Variants in GNPTAB observed in about 807,000 individuals in gnomAD.
GNPTAB encodes the protein N-acetylglucosamine-1-phosphate transferase subunits alpha and beta.
Under a neutral mutation model 136.6 loss-of-function variants are expected in GNPTAB, and 92 were observed. That is an observed-to-expected ratio of 0.67 (90% CI 0.57 to 0.80). The LOEUF (loss-of-function observed/expected upper bound fraction) is 0.80, where lower values mean the gene tolerates loss of function less well. Among genes scored for constraint, GNPTAB ranks in the 30% least tolerant of loss-of-function variants. The pLI, the probability that GNPTAB is intolerant of heterozygous loss-of-function variation, is 0.00. For missense variants in GNPTAB, 1,343 were observed against 1,501.8 expected (o/e 0.89, Z 1.75); for synonymous variants, 512 against 535.1 (o/e 0.96, Z 0.60).
intron 1 of GNPTAB, among the ~76,000 whole-genome samples, chr12:101,811,528 G>C (rs1402302437): frequency 6.6e-6 from 1 of 152,006 alleles, no homozygotes; most frequent in African/African-American, 2.4e-5. Context: ...AAGCGTTTCT[G>C]GGAGACCTCA....
chr12:101,745,606 C>A lies in GNPTAB; in HGVS notation c.*1558G>T, dbSNP rs569274858. The stretch of plus-strand genomic sequence containing the variant: ...AAGTTCTTTGTACAAAAGATGTATG[C>A]CATTTTGGAAGAATATTGTTGAGAT... On this transcript the variant is annotated 3_prime_UTR_variant, in exon 21 of 21. Transcript: ENST00000299314. 4.6e-5 allele frequency: 7 copies of A among 152,196 alleles called. 1 individual carries two copies. Among genetic ancestry groups the A allele is most frequent in the Admixed American group, 2.6e-4 (4 of 15,284 alleles). The allele number at this position is 152,196 out of a possible 1,614,324, so 9.4% of individuals were successfully genotyped here.
At chr12:101,780,427 CATT>C in intron 6 of GNPTAB, 127 bp downstream of exon 6, 1 of 1,089,088 alleles carries the variant, frequency 9.2e-7, no homozygotes, top group Non-Finnish European at 1.4e-6. Context: ...AATCAACAGT[CATT>C]AATATTAGTA....
intron 18 of GNPTAB, 142 bp from the exon 19 acceptor site, chr12:101,753,681 G>A (rs757215587): frequency 5.5e-6 from 4 of 726,498 alleles, no homozygotes; most frequent in Non-Finnish European, 9.4e-6. Flanking sequence ...CTGGGGGAAT[G>A]ATATTCTATA....
rs565900629 is a variant in GNPTAB, at chr12:101,770,415, T to C, written c.1104A>G (p.Val368=). The part of the protein sequence containing the change: ...LNLDNPRVTI[V]THQDVFRNLS... ...TTAGAAAGTCCTGTACCTGGTGTGT[T>C]ACTATTGTCACTCGAGGATTGTCAA... Residue 368 remains valine, a synonymous_variant, in exon 9 of 21, where the codon GTA becomes GTG. Coordinates refer to ENST00000299314, the MANE Select transcript of GNPTAB (RefSeq NM_024312.5). 4 of 1,611,098 alleles carry C rather than the reference T, an allele frequency of 2.5e-6. No homozygotes were observed. Among genetic ancestry groups the C allele is most frequent in the Non-Finnish European group, 3.4e-6 (4 of 1,177,148 alleles).
In GNPTAB at chr12:101,764,964, A is replaced by G. The variant is rs1392999335; in HGVS notation, c.1953T>C (p.Asn651=). 1.2e-6 allele frequency: 2 copies of G among 1,613,798 alleles called. No homozygotes were observed. Among genetic ancestry groups the G allele is most frequent in the African/African-American group, 1.3e-5 (1 of 74,840 alleles). ...GAAGAAGTGTTATGGGACTAACTAAATTTTCGTAACCCTTCTGGGCTGTAG... is the reference window on the plus strand; with the variant it reads ...GAAGAAGTGTTATGGGACTAACTAAGTTTTCGTAACCCTTCTGGGCTGTAG... ...LNSTAQKGYE[N]LVSPITLLPE... Residue 651 remains asparagine, a synonymous_variant, in exon 13 of 21, where the codon AAT becomes AAC. Transcript: ENST00000299314.
intron 20 of GNPTAB, among the ~76,000 whole-genome samples, chr12:101,747,575 TGTCAA>T (rs1291006604): frequency 6.6e-6 from 1 of 152,204 alleles, no homozygotes; most frequent in Non-Finnish European, 1.5e-5. Context: ...GATGTCCATT[TGTCAA>T]GTCTTTCTAT....
intron 1 of GNPTAB, among the ~76,000 whole-genome samples, chr12:101,815,198 G>C (rs1227212538): frequency 6.6e-6 from 1 of 152,136 alleles, no homozygotes; most frequent in East Asian, 1.9e-4. Context: ...CTCCCAAGTA[G>C]TTGTGACTAC....
chr12:101,798,733 C>T (rs906409570), intron 1 of GNPTAB, among the ~76,000 whole-genome samples: 6 of 152,154 alleles, frequency 3.9e-5, no homozygotes, highest in Non-Finnish European at 8.8e-5. Flanking sequence ...TCACATGTTG[C>T]GAGTATCTGT....
intron 1 of GNPTAB, among the ~76,000 whole-genome samples, chr12:101,816,098 G>C (rs964399877): frequency 1.3e-5 from 2 of 152,066 alleles, no homozygotes; most frequent in Non-Finnish European, 2.9e-5. Context: ...ACTACTAGAA[G>C]AAAATAACTG....
At chr12:101,797,333 A>G (rs1307484999) in intron 1 of GNPTAB, among the ~76,000 whole-genome samples, 2 of 152,028 alleles carry the variant, frequency 1.3e-5, no homozygotes, top group Non-Finnish European at 2.9e-5. Flanking sequence ...AAGCAGAAAC[A>G]GAAGGGACAG....
rs566931117 is a variant in GNPTAB at position 101,774,693 on chromosome 12, CAT to C, written c.772-3538_772-3537del. Among the ~76,000 whole-genome samples the C allele has an allele frequency of 4.6e-5, 7 of 152,240 alleles. No homozygotes were observed. The East Asian group carries it at 9.6e-4, about 21-fold the overall frequency. ...GATTAGAGCATATTAATATAAAATA[CAT>C]AGAGCCACTTTAAGATATTGCTTAT... On this transcript the variant is annotated intron_variant, in intron 7 of 20. Coordinates refer to ENST00000299314, the MANE Select transcript of GNPTAB (RefSeq NM_024312.5).
rs148285181 is a variant in GNPTAB, at chr12:101,802,602, G to A, written c.118-5840C>T. On this transcript the variant is annotated intron_variant, in intron 1 of 20. Coordinates refer to ENST00000299314, the MANE Select transcript of GNPTAB (RefSeq NM_024312.5). ...AAAAACACTCCACAAGTCTGTTCTC[G>A]AGGCTCTTCCTAAAGCCTTAGACTG... is the stretch of plus-strand genomic sequence containing the variant. 7.6e-4 allele frequency among the ~76,000 whole-genome samples: 115 copies of A among 152,270 alleles called. 6 individuals carry two copies. In the East Asian group the frequency reaches 0.019, roughly 25 times the overall value.
intron 1 of GNPTAB, among the ~76,000 whole-genome samples, chr12:101,826,954 T>TG: frequency 7.8e-6 from 1 of 128,386 alleles, no homozygotes; most frequent in African/African-American, 3.2e-5. Context: ...GGAGTTGTTT[T>TG]TTTTTTTTTT....
intron 3 of GNPTAB, 123 bp downstream of exon 3, chr12:101,789,815 A>G (rs1183094207): frequency 9.8e-7 from 1 of 1,016,086 alleles, no homozygotes; most frequent in Non-Finnish European, 1.5e-6. Context: ...GTTTTACCAG[A>G]TCCTTTTGTA....
chr12:101,830,169 G>A (rs1442008059), intron 1 of GNPTAB, among the ~76,000 whole-genome samples: 2 of 152,218 alleles, frequency 1.3e-5, no homozygotes, highest in Non-Finnish European at 2.9e-5. Flanking sequence ...AAGAAGGGAG[G>A]ATCACTTGAG....
At chr12:101,828,877 G>C (rs900015894) in intron 1 of GNPTAB, among the ~76,000 whole-genome samples, 5 of 152,188 alleles carry the variant, frequency 3.3e-5, no homozygotes, top group Non-Finnish European at 7.3e-5. Flanking sequence ...CATATGTAAA[G>C]CAATTAAGAG....
At chr12:101,753,770 A>G (rs1026298871) in intron 18 of GNPTAB, among the ~76,000 whole-genome samples, 4 of 152,240 alleles carry the variant, frequency 2.6e-5, no homozygotes, top group African/African-American at 9.6e-5. Context: ...GAGTAAATTA[A>G]TTTAATGACT....
At chr12:101,783,427 A>G (rs2137141105) in intron 5 of GNPTAB, among the ~76,000 whole-genome samples, 1 of 152,346 alleles carries the variant, frequency 6.6e-6, no homozygotes, top group Non-Finnish European at 1.5e-5. Context: ...CTGTGTGACC[A>G]TAGGAGGCAC....
At chr12:101,748,705 G>T (rs1952771834) in intron 20 of GNPTAB, among the ~76,000 whole-genome samples, 1 of 152,160 alleles carries the variant, frequency 6.6e-6, no homozygotes, top group Non-Finnish European at 1.5e-5. Context: ...ACGGAACCGT[G>T]GGATGTCTGA....
Sources: allele counts gnomAD v4.1 joint callset (sites outside exome capture counted in the v4.1 genomes callset), GRCh38; gene constraint gnomAD v4.1.1; transcripts MANE v1.5; gene names NCBI Gene and HGNC (gene_info 2026-07-23, HGNC 2026-07-21).